ARHGAP15: variants seen among roughly 807,000 people sequenced by gnomAD.
The protein encoded by ARHGAP15 is rho GTPase-activating protein 15.
In ARHGAP15, 51 loss-of-function variants were observed where a neutral mutation model predicts 63.7. The observed-to-expected ratio is 0.80, with a 90% CI of 0.64 to 1.01. The LOEUF is 1.01. Among genes scored for constraint, ARHGAP15 ranks in the 50% least tolerant of loss-of-function variants. The probability of loss-of-function intolerance (pLI) is 0.00; values close to 1 mark genes in which losing one functional copy is unlikely to be tolerated. For missense variants in ARHGAP15, 560 were observed against 564.6 expected (o/e 0.99, Z 0.08); for synonymous variants, 191 against 193.8 (o/e 0.99, Z 0.12).
chr2:143,481,232 C>A (rs149846986), intron 8 of ARHGAP15, among the ~76,000 whole-genome samples: 6 of 152,164 alleles, frequency 3.9e-5, no homozygotes, highest in Non-Finnish European at 8.8e-5. Flanking sequence ...GAGCTCCTAG[C>A]TGCTAACAAA....
At chr2:143,262,202 A>C (rs10153706) in intron 6 of ARHGAP15, among the ~76,000 whole-genome samples, 2 of 152,170 alleles carry the variant, frequency 1.3e-5, no homozygotes, top group African/African-American at 4.8e-5. Context: ...GAGGATGTGA[A>C]GCAGGGCACA....
chr2:143,467,242 CTTTTT>C (rs202115707), intron 8 of ARHGAP15, among the ~76,000 whole-genome samples: 3 of 57,894 alleles, frequency 5.2e-5, no homozygotes, highest in Non-Finnish European at 9.0e-5. Context: ...ACTCCATGGC[CTTTTT>C]TTTTTTTTTT....
chr2:143,661,407 A>G (rs1382910884), intron 12 of ARHGAP15, among the ~76,000 whole-genome samples: 1 of 152,244 alleles, frequency 6.6e-6, no homozygotes, highest in Non-Finnish European at 1.5e-5. Context: ...ATAGATTAAT[A>G]AAACAAAGAA....
At chr2:143,339,304 G>A (rs1297679345) in intron 6 of ARHGAP15, among the ~76,000 whole-genome samples, 1 of 152,022 alleles carries the variant, frequency 6.6e-6, no homozygotes, top group Non-Finnish European at 1.5e-5. Context: ...CTACTCCTGA[G>A]TACTCAATTT....
At chr2:143,290,337 TGTAAG>T (rs1437018271) in intron 6 of ARHGAP15, among the ~76,000 whole-genome samples, 1 of 151,248 alleles carries the variant, frequency 6.6e-6, no homozygotes, top group Non-Finnish European at 1.5e-5. Flanking sequence ...CGGCTGGTAA[TGTAAG>T]GGAATAAAGT....
At chr2:143,718,702 C>G (rs1371652984) in intron 13 of ARHGAP15, among the ~76,000 whole-genome samples, 1 of 152,170 alleles carries the variant, frequency 6.6e-6, no homozygotes, top group African/African-American at 2.4e-5. Flanking sequence ...TCATCCTCTG[C>G]AGATTCTTTC....
intron 12 of ARHGAP15, among the ~76,000 whole-genome samples, chr2:143,639,410 A>T (rs1288632472): frequency 6.6e-6 from 1 of 152,168 alleles, no homozygotes; most frequent in African/African-American, 2.4e-5. Flanking sequence ...TTTTAAAAGT[A>T]AAATAAGCAC....
chr2:143,178,916 C>T (rs538218399), intron 2 of ARHGAP15, among the ~76,000 whole-genome samples: 1 of 152,332 alleles, frequency 6.6e-6, no homozygotes, highest in East Asian at 1.9e-4. Flanking sequence ...AGTCTGGAAT[C>T]ACCAATTTAT....
chr2:143,246,042 G>T (rs1401124893), intron 5 of ARHGAP15, among the ~76,000 whole-genome samples: 2 of 152,176 alleles, frequency 1.3e-5, no homozygotes, highest in African/African-American at 4.8e-5. Flanking sequence ...CCATTTTTAG[G>T]TGAACTAGTA....
chr2:143,539,830 G>A (rs1386131023), intron 10 of ARHGAP15, among the ~76,000 whole-genome samples: 1 of 152,022 alleles, frequency 6.6e-6, no homozygotes, highest in Non-Finnish European at 1.5e-5. Flanking sequence ...TAGGAGTGGT[G>A]TGGTGCTGAA....
intron 10 of ARHGAP15, among the ~76,000 whole-genome samples, chr2:143,537,192 G>C (rs1290613370): frequency 6.6e-6 from 1 of 152,198 alleles, no homozygotes; most frequent in Middle Eastern, 3.4e-3. Context: ...AGAAGTGTCT[G>C]TTCATATCCT....
At chr2:143,263,591 G>A (rs1361831362) in intron 6 of ARHGAP15, among the ~76,000 whole-genome samples, 1 of 152,174 alleles carries the variant, frequency 6.6e-6, no homozygotes, top group Non-Finnish European at 1.5e-5. Flanking sequence ...AGAGGCTAAA[G>A]AACTTCAACT....
intron 5 of ARHGAP15, among the ~76,000 whole-genome samples, chr2:143,241,302 A>C (rs1414084532): frequency 1.3e-5 from 2 of 152,204 alleles, no homozygotes; most frequent in Non-Finnish European, 2.9e-5. Context: ...TTCAAATATT[A>C]ATGATAAATT....
chr2:143,139,917 T>C (rs1230880194), intron 1 of ARHGAP15, among the ~76,000 whole-genome samples: 1 of 152,126 alleles, frequency 6.6e-6, no homozygotes, highest in African/African-American at 2.4e-5. Context: ...TGAGTCTGCA[T>C]TGGCTCATCT....
chr2:143,262,535 A>ATTTTT lies in ARHGAP15; in HGVS notation c.474+11955_474+11959dup, dbSNP rs67267617. 3.1e-3 allele frequency among the ~76,000 whole-genome samples: 278 copies of ATTTTT among 90,896 alleles called. 8 individuals are homozygous for ATTTTT. The highest frequency in any genetic ancestry group is 0.011 in the African/African-American group (244 of 21,322). 59.6% of individuals were successfully genotyped at this position (90,896 alleles called of 152,430 possible). On this transcript the variant is annotated intron_variant, in intron 6 of 13. Coordinates refer to ENST00000295095, the MANE Select transcript of ARHGAP15 (RefSeq NM_018460.4). ...TGTATATGCGGGGTCTGAACCTTTG[A>ATTTTT]TTTTTTTTTTTTTTTTTTTTTTTTA...
At chr2:143,520,897 G>T (rs374212025) in intron 10 of ARHGAP15, among the ~76,000 whole-genome samples, 15 of 152,258 alleles carry the variant, frequency 9.9e-5, no homozygotes, top group African/African-American at 3.6e-4. Context: ...CCCGATTTAT[G>T]TCTCCACCCT....
intron 12 of ARHGAP15, among the ~76,000 whole-genome samples, chr2:143,650,346 A>C (rs1681098132): frequency 6.6e-6 from 1 of 151,908 alleles, no homozygotes; most frequent in African/African-American, 2.4e-5. Context: ...TCAGGCCCTA[A>C]TGAGTTCCAC....
intron 6 of ARHGAP15, among the ~76,000 whole-genome samples, chr2:143,434,764 G>T (rs548408513): frequency 6.6e-6 from 1 of 152,242 alleles, no homozygotes; most frequent in Admixed American, 6.5e-5. Context: ...CAAAAAGCAT[G>T]TCCACACCCA....
At chr2:143,753,345 T>C (rs1686453552) in intron 13 of ARHGAP15, among the ~76,000 whole-genome samples, 1 of 152,160 alleles carries the variant, frequency 6.6e-6, no homozygotes, top group East Asian at 1.9e-4. Flanking sequence ...AATTATCAAA[T>C]TGACAAATGT....
Sources: gnomAD v4.1 joint callset for allele counts (sites outside exome capture counted in the v4.1 genomes callset) on GRCh38, gnomAD v4.1.1 for gene constraint, MANE v1.5 for transcripts, NCBI Gene and HGNC (gene_info 2026-07-23, HGNC 2026-07-21) for gene names.